LMX1B: variants seen among roughly 807,000 people sequenced by gnomAD.
The protein encoded by LMX1B is LIM homeobox transcription factor 1 beta, also known as LIM homeobox transcription factor 1-beta.
Under a neutral mutation model 51.4 loss-of-function variants are expected in LMX1B, and 12 were observed. The observed-to-expected ratio is 0.23, with a 90% CI of 0.15 to 0.38. LMX1B has a LOEUF of 0.38. Among genes scored for constraint, LMX1B ranks in the 10% least tolerant of loss-of-function variants. The pLI, the probability that LMX1B is intolerant of heterozygous loss-of-function variation, is 1.00. For synonymous variants in LMX1B, 237 were observed against 235.4 expected (o/e 1.01, Z -0.06); for missense variants, 445 against 571.1 (o/e 0.78, Z 2.25).
Position 126,671,550 on chromosome 9 carries a change from C to T in LMX1B, c.327-19286C>T, listed in dbSNP as rs1209905247. 1.3e-5 allele frequency among the ~76,000 whole-genome samples: 2 copies of T among 152,228 alleles called. No individual in the cohort carries two copies. Among genetic ancestry groups the T allele is most frequent in the African/African-American group, 2.4e-5 (1 of 41,460 alleles). On this transcript the variant is annotated intron_variant, in intron 2 of 7. Transcript: ENST00000373474. This position sits in a 1 kb window ranked among gnomAD's most constrained non-coding sequence, Gnocchi z 4.4. ...TCCTGCGCCAAGAGCCCACTCCAGC[C>T]GGTATCCCGAGAGGCCGCAAAAACA...
At chr9:126,660,786 C>A (rs776167131) in intron 2 of LMX1B, among the ~76,000 whole-genome samples, 1 of 152,154 alleles carries the variant, frequency 6.6e-6, no homozygotes, top group Non-Finnish European at 1.5e-5. Context: ...TCCCTGAGCC[C>A]GTAGTGTGGC....
chr9:126,680,418 C>G (rs1302691126), intron 2 of LMX1B, among the ~76,000 whole-genome samples: 4 of 152,314 alleles, frequency 2.6e-5, no homozygotes, highest in Non-Finnish European at 5.9e-5. Context: ...AGTGATGTTG[C>G]CTACCTCGCA....
chr9:126,658,813 G>A lies in LMX1B; in HGVS notation c.327-32023G>A, dbSNP rs562284213. On this transcript the variant is annotated intron_variant, in intron 2 of 7. Transcript: ENST00000373474. The surrounding 1 kb of genome is among the most constrained non-coding windows in gnomAD (Gnocchi z 4.0). The stretch of plus-strand genomic sequence containing the variant: ...TGCATTCATTGCAGCAGGAGAGACC[G>A]GGGGTTCAAATTCAGAAAGCCCCCT... 4.6e-5 allele frequency among the ~76,000 whole-genome samples: 7 copies of A among 152,330 alleles called. No individual in the cohort carries two copies. Among genetic ancestry groups the A allele is most frequent in the Admixed American group, 6.5e-5 (1 of 15,304 alleles).
chr9:126,673,314 G>A lies in LMX1B; in HGVS notation c.327-17522G>A, dbSNP rs995536275. The stretch of plus-strand genomic sequence containing the variant: ...TGGGGAGCCACCCACAGAGGGTAGG[G>A]AGGGCTCTGCGTGCTGCTGGCTGGA... On this transcript the variant is annotated intron_variant, in intron 2 of 7. Transcript: ENST00000373474. This position sits in a 1 kb window ranked among gnomAD's most constrained non-coding sequence, Gnocchi z 4.4. Among the ~76,000 whole-genome samples, 8 of 152,112 alleles carry A rather than the reference G, an allele frequency of 5.3e-5. No individual in the cohort carries two copies. Among genetic ancestry groups the A allele is most frequent in the Admixed American group, 2.0e-4 (3 of 15,282 alleles).
In LMX1B at chr9:126,696,488, T is replaced by TGG. The variant is rs574893649; in HGVS notation, c.*43_*44dup. ...GCGCACGGACGCTTGGGCAGGGGCC[T>TGG]GGGGGGGACTGCCAGCCTCTGCGGC... is the stretch of plus-strand genomic sequence containing the variant. On this transcript the variant is annotated 3_prime_UTR_variant, in exon 8 of 8. Coordinates refer to ENST00000373474, the MANE Select transcript of LMX1B (RefSeq NM_001174147.2). 3.7e-6 allele frequency: 6 copies of TGG among 1,610,466 alleles called. No homozygotes were observed. The Admixed American group carries it at 1.0e-4, about 27-fold the overall frequency.
At chr9:126,650,863 A>G (rs887676365) in intron 2 of LMX1B, among the ~76,000 whole-genome samples, 1 of 152,248 alleles carries the variant, frequency 6.6e-6, no homozygotes, top group Non-Finnish European at 1.5e-5. Flanking sequence ...TTTATGGCCC[A>G]TAGAGGGATA....
chr9:126,642,476 C>T (rs1835827002), intron 2 of LMX1B, among the ~76,000 whole-genome samples: 1 of 152,174 alleles, frequency 6.6e-6, no homozygotes, highest in South Asian at 2.1e-4. Context: ...ACCAAGAATG[C>T]TTTTTTCCTT....
intron 2 of LMX1B, among the ~76,000 whole-genome samples, chr9:126,655,937 G>A (rs529115797): frequency 1.3e-5 from 2 of 152,290 alleles, no homozygotes; most frequent in Non-Finnish European, 2.9e-5. Flanking sequence ...GCTTCCAAGA[G>A]GAGGCGAAGA....
rs1197968369 is a variant in LMX1B at position 126,625,700 on chromosome 9, C to T, written c.326+10131C>T. 1.3e-5 allele frequency among the ~76,000 whole-genome samples: 2 copies of T among 152,202 alleles called. No homozygotes were observed. The highest frequency in any genetic ancestry group is 2.9e-5 in the Non-Finnish European group (2 of 68,026). On this transcript the variant is annotated intron_variant, in intron 2 of 7. Coordinates refer to ENST00000373474, the MANE Select transcript of LMX1B (RefSeq NM_001174147.2). The surrounding 1 kb of genome is among the most constrained non-coding windows in gnomAD (Gnocchi z 5.3). ...GCCAGGCCCGTGGCGCCTTTCTCGC[C>T]ACCTCCGCCGCCGCCGCCGCCACCC... is the stretch of plus-strand genomic sequence containing the variant.
intron 2 of LMX1B, among the ~76,000 whole-genome samples, chr9:126,645,834 A>T (rs981021912): frequency 2.6e-5 from 4 of 152,144 alleles, no homozygotes; most frequent in Non-Finnish European, 5.9e-5. Context: ...GATTTCCAGC[A>T]AGAGAGCTCT....
In LMX1B at chr9:126,615,682, CG is replaced by C; in HGVS notation, c.326+116del. The stretch of plus-strand genomic sequence containing the variant: ...CCGCCGGCTCTGTGCGCGGCTGGGC[CG>C]GGCAGCTCCAAGGGTTCCGAGAGCT... On this transcript the variant is annotated intron_variant, in intron 2 of 7. Coordinates refer to ENST00000373474, the MANE Select transcript of LMX1B (RefSeq NM_001174147.2). The surrounding 1 kb of genome is among the most constrained non-coding windows in gnomAD (Gnocchi z 6.0). The C allele has an allele frequency of 6.1e-6, 6 of 987,604 alleles. No individual in the cohort carries two copies. Among genetic ancestry groups the C allele is most frequent in the Non-Finnish European group, 8.5e-6 (6 of 703,074 alleles). 61.2% of individuals were successfully genotyped at this position (987,604 alleles called of 1,614,324 possible).
chr9:126,648,890 C>T lies in LMX1B; in HGVS notation c.326+33321C>T, dbSNP rs151251188. On this transcript the variant is annotated intron_variant, in intron 2 of 7. Coordinates refer to ENST00000373474, the MANE Select transcript of LMX1B (RefSeq NM_001174147.2). ...GCCTCCTCTGCACGTGGTCAACTCC[C>T]AGAGGCAGAGCTCCACCCGGATCAG... is the stretch of plus-strand genomic sequence containing the variant. Among the ~76,000 whole-genome samples the T allele has an allele frequency of 1.9e-3, 283 of 152,272 alleles. 2 individuals carry two copies. Among genetic ancestry groups the T allele is most frequent in the African/African-American group, 6.6e-3 (275 of 41,544 alleles).
chr9:126,672,881 T>C (rs1268742173), intron 2 of LMX1B, among the ~76,000 whole-genome samples: 4 of 152,324 alleles, frequency 2.6e-5, no homozygotes, highest in Admixed American at 6.5e-5. Flanking sequence ...TATCGCTTGC[T>C]GGCCCCAGTG....
chr9:126,675,109 A>G (rs1410558610), intron 2 of LMX1B, among the ~76,000 whole-genome samples: 1 of 152,174 alleles, frequency 6.6e-6, no homozygotes, highest in Non-Finnish European at 1.5e-5. Flanking sequence ...AGAGCATATT[A>G]GCGTTTGTAT....
chr9:126,623,682 C>G (rs913236421), intron 2 of LMX1B, among the ~76,000 whole-genome samples: 8 of 152,216 alleles, frequency 5.3e-5, no homozygotes, highest in African/African-American at 1.9e-4. Flanking sequence ...TAATCTCCCC[C>G]AGAACGCCCA....
At chr9:126,643,510 A>G (rs12337049) in intron 2 of LMX1B, among the ~76,000 whole-genome samples, 27,520 of 152,124 alleles carry the variant, frequency 0.18, 3,305 homozygotes, top group East Asian at 0.43. Context: ...ACTCCCCTAG[A>G]TTGTTGACAA....
Position 126,626,575 on chromosome 9 carries a change from G to C in LMX1B, c.326+11006G>C, listed in dbSNP as rs1172775158. Among the ~76,000 whole-genome samples the C allele has an allele frequency of 1.3e-5, 2 of 152,214 alleles. No individual in the cohort carries two copies. The highest frequency in any genetic ancestry group is 2.9e-5 in the Non-Finnish European group (2 of 68,046). ...GAGCCCCCTCTGCAATCCCGGCTCA[G>C]TCGGCAACCGGCCCTTCCTTCCAGG... On this transcript the variant is annotated intron_variant, in intron 2 of 7. Coordinates refer to ENST00000373474, the MANE Select transcript of LMX1B (RefSeq NM_001174147.2). This position sits in a 1 kb window ranked among gnomAD's most constrained non-coding sequence, Gnocchi z 4.3.
intron 2 of LMX1B, among the ~76,000 whole-genome samples, chr9:126,675,248 T>C (rs1015211229): frequency 1.3e-5 from 2 of 152,036 alleles, no homozygotes; most frequent in African/African-American, 4.8e-5. Flanking sequence ...TATGTGGGCT[T>C]GTGTATGTGT....
intron 2 of LMX1B, among the ~76,000 whole-genome samples, chr9:126,661,715 G>C (rs777447926): frequency 1.4e-4 from 22 of 152,068 alleles, no homozygotes; most frequent in Non-Finnish European, 2.8e-4. Flanking sequence ...CCCGAGTTGA[G>C]CAGGCACCTG....
Sources: allele counts gnomAD v4.1 joint callset (sites outside exome capture counted in the v4.1 genomes callset), GRCh38; gene constraint gnomAD v4.1.1; non-coding constraint Gnocchi (gnomAD v3.1); transcripts MANE v1.5; gene names NCBI Gene and HGNC (gene_info 2026-07-23, HGNC 2026-07-21).